ODR4: variants seen among roughly 807,000 people sequenced by gnomAD.
ODR4 encodes the protein protein odr-4 homolog.
Under a neutral mutation model 60.2 loss-of-function variants are expected in ODR4, and 47 were observed. That is an observed-to-expected ratio of 0.78 (90% CI 0.62 to 1.00). ODR4 has a LOEUF of 1.00. ODR4 is among the 50% of genes least tolerant of loss of function. The probability of loss-of-function intolerance (pLI) is 0.00; values close to 1 mark genes in which losing one functional copy is unlikely to be tolerated. For synonymous variants in ODR4, 178 were observed against 175.5 expected (o/e 1.01, Z -0.11); for missense variants, 488 against 530.8 (o/e 0.92, Z 0.79).
downstream of ODR4, among the ~76,000 whole-genome samples, chr1:186,424,833 C>A (rs1030319640): frequency 2.0e-4 from 31 of 151,942 alleles, no homozygotes; most frequent in Admixed American, 7.2e-4. Context: ...ATCCAAGAAG[C>A]AGCATCCCAA....
At chr1:186,391,302 ATCT>A (rs1265745980) in intron 7 of ODR4, among the ~76,000 whole-genome samples, 2 of 144,790 alleles carry the variant, frequency 1.4e-5, no homozygotes, top group Admixed American at 6.8e-5. Context: ...TTTTATTTTT[ATCT>A]TATTTTTCTT....
At chr1:186,426,594 CTT>C in the ODR4 span, among the ~76,000 whole-genome samples, 5 of 152,286 alleles carry the variant, frequency 3.3e-5, no homozygotes, top group South Asian at 1.0e-3. Context: ...GAATGTCACT[CTT>C]TGCATTCTAC....
At chr1:186,393,634 A>G (rs551405388) in intron 8 of ODR4, among the ~76,000 whole-genome samples, 6 of 152,232 alleles carry the variant, frequency 3.9e-5, no homozygotes, top group Non-Finnish European at 7.3e-5. Context: ...TACAGGAGAT[A>G]CATAAGTGAA....
chr1:186,384,929 A>C lies in ODR4; in HGVS notation c.235-1059A>C, dbSNP rs111305501. Among the ~76,000 whole-genome samples the C allele has an allele frequency of 4.6e-5, 7 of 152,262 alleles. 1 individual carries two copies. The highest frequency in any genetic ancestry group is 1.7e-4 in the African/African-American group (7 of 41,554). ...CTGATTGATTGCTTGTACATTAAGT[A>C]ATCAAAAGCTAACCAAAACACTCTA... On this transcript the variant is annotated intron_variant, in intron 3 of 13. Coordinates refer to ENST00000287859, the MANE Select transcript of ODR4 (RefSeq NM_017847.6).
At chr1:186,433,321 T>G in the ODR4 span, among the ~76,000 whole-genome samples, 1 of 152,068 alleles carries the variant, frequency 6.6e-6, no homozygotes, top group Admixed American at 6.5e-5. Flanking sequence ...ACTCTTATTT[T>G]TTTTTAAGTT....
chr1:186,403,869 C>A (rs1293761139), intron 11 of ODR4, among the ~76,000 whole-genome samples: 4 of 152,126 alleles, frequency 2.6e-5, no homozygotes, highest in African/African-American at 7.2e-5. Context: ...ATCCCCACAT[C>A]AGTATCCTCT....
chr1:186,432,278 C>T, the ODR4 span, among the ~76,000 whole-genome samples: 2 of 152,106 alleles, frequency 1.3e-5, no homozygotes, highest in East Asian at 3.8e-4. Flanking sequence ...TTGGATTTGA[C>T]TTGCTAATAT....
chr1:186,386,204 G>T, intron 4 of ODR4, 121 bp downstream of exon 4: 9 of 544,838 alleles, frequency 1.7e-5, no homozygotes, highest in South Asian at 3.9e-5. Context: ...TTTTTGTTGG[G>T]GTTACATTGA....
intron 9 of ODR4, among the ~76,000 whole-genome samples, 184 bp from the exon 10 acceptor site, chr1:186,398,129 A>C (rs1369222221): frequency 6.6e-6 from 1 of 152,212 alleles, no homozygotes; most frequent in Non-Finnish European, 1.5e-5. Flanking sequence ...AATGACTGGA[A>C]AATAATATAT....
intron 11 of ODR4, 187 bp downstream of exon 11, chr1:186,399,231 G>T (rs768411860): frequency 4.9e-5 from 28 of 577,082 alleles, no homozygotes; most frequent in South Asian, 4.4e-4. Context: ...TTTAGACAGA[G>T]TCTCACTGTG....
At chr1:186,421,583 C>T (rs1056747547), downstream of ODR4, among the ~76,000 whole-genome samples, 2 of 151,850 alleles carry the variant, frequency 1.3e-5, no homozygotes, top group Admixed American at 6.6e-5. Flanking sequence ...GATAGGGGAT[C>T]GGCCAGGCAC....
chr1:186,427,323 T>C, the ODR4 span, among the ~76,000 whole-genome samples: 8 of 152,240 alleles, frequency 5.3e-5, no homozygotes, highest in Admixed American at 3.3e-4. Flanking sequence ...TGTGACATTC[T>C]GAATCCTTTG....
chr1:186,408,189 A>C (rs1661240043), intron 12 of ODR4, among the ~76,000 whole-genome samples: 1 of 152,144 alleles, frequency 6.6e-6, no homozygotes, highest in South Asian at 2.1e-4. Flanking sequence ...GTAACTTTTC[A>C]AAGTTACATT....
chr1:186,432,120 G>A, the ODR4 span, among the ~76,000 whole-genome samples: 4 of 151,976 alleles, frequency 2.6e-5, no homozygotes, highest in Non-Finnish European at 5.9e-5. Flanking sequence ...GAGGTGGGAG[G>A]GGACCTAGGT....
chr1:186,430,663 A>G, the ODR4 span, among the ~76,000 whole-genome samples: 2 of 152,090 alleles, frequency 1.3e-5, no homozygotes, highest in East Asian at 1.9e-4. Context: ...TCTAGTTTTT[A>G]ATTATAAGTA....
At chr1:186,377,631 A>G (rs1449260541) in intron 1 of ODR4, among the ~76,000 whole-genome samples, 1 of 152,258 alleles carries the variant, frequency 6.6e-6, no homozygotes, top group East Asian at 1.9e-4. Flanking sequence ...ACCTTAAGGC[A>G]TTACTAAAAG....
chr1:186,396,473 A>T (rs1488362780), intron 9 of ODR4, among the ~76,000 whole-genome samples: 1 of 151,936 alleles, frequency 6.6e-6, no homozygotes, highest in East Asian at 1.9e-4. Flanking sequence ...GCTGGGGGTG[A>T]TGGTGTGTGC....
chr1:186,418,975 A>G (rs753211586), intron 13 of ODR4, 34 bp from the exon 14 acceptor site: 21 of 1,575,416 alleles, frequency 1.3e-5, no homozygotes, highest in Non-Finnish European at 1.7e-5. Flanking sequence ...TGCTCATTCC[A>G]TTTTCATTTG....
At position 186,413,223 on chromosome 1, in the gene ODR4, GTT is replaced by G. The variant is rs549575135; in HGVS notation, c.1187-4318_1187-4317del. Among the ~76,000 whole-genome samples the G allele has an allele frequency of 1.9e-3, 282 of 151,854 alleles. 1 individual carries two copies. The highest frequency in any genetic ancestry group is 6.4e-3 in the African/African-American group (266 of 41,432). ...AAATATACTCATTAGAACATTTTGG[GTT>G]TTGGATTTCAGATTAGGGATGCTCA... On this transcript the variant is annotated intron_variant, in intron 12 of 13. Transcript: ENST00000287859.
Sources: gnomAD v4.1 joint callset for allele counts (sites outside exome capture counted in the v4.1 genomes callset) on GRCh38, gnomAD v4.1.1 for gene constraint, MANE v1.5 for transcripts, NCBI Gene and HGNC (gene_info 2026-07-23, HGNC 2026-07-21) for gene names.